The following SPAG16 variants were observed in gnomAD, a reference collection of about 807,000 sequenced individuals.
SPAG16 encodes sperm-associated antigen 16 protein.
SPAG16 carries 86 observed loss-of-function variants against 80.4 expected under a neutral mutation model. That is an observed-to-expected ratio of 1.07 (90% CI 0.90 to 1.28). The LOEUF (loss-of-function observed/expected upper bound fraction) is 1.28. SPAG16 is among the 50% of genes most tolerant of loss of function. The probability of loss-of-function intolerance (pLI) is 0.00; values close to 1 mark genes in which losing one functional copy is unlikely to be tolerated. For synonymous variants in SPAG16, 294 were observed against 265.9 expected, an observed-to-expected ratio of 1.11 and a Z score of -1.03; for missense variants, 870 against 765.3, an observed-to-expected ratio of 1.14 and a Z score of -1.61.
intron 10 of SPAG16, among the ~76,000 whole-genome samples, chr2:213,684,565 A>C (rs1411567197): frequency 6.6e-6 from 1 of 152,202 alleles, no homozygotes; most frequent in Non-Finnish European, 1.5e-5. Flanking sequence ...AACTGACTAC[A>C]ATATAATACA....
intron 10 of SPAG16, among the ~76,000 whole-genome samples, chr2:213,722,137 A>G (rs2066559928): frequency 6.6e-6 from 1 of 152,214 alleles, no homozygotes; most frequent in African/African-American, 2.4e-5. Flanking sequence ...TCATAGAAAA[A>G]CAACTACTTA....
chr2:214,105,587 C>T (rs986547287), intron 13 of SPAG16, among the ~76,000 whole-genome samples: 3 of 152,214 alleles, frequency 2.0e-5, no homozygotes, highest in Non-Finnish European at 4.4e-5. Context: ...TTATTACACA[C>T]AGCTTCTCTG....
chr2:213,727,343 T>G (rs2066815156), intron 10 of SPAG16, among the ~76,000 whole-genome samples: 1 of 152,152 alleles, frequency 6.6e-6, no homozygotes, highest in Non-Finnish European at 1.5e-5. Context: ...AGTTTAAAAA[T>G]AATTTAATGG....
intron 10 of SPAG16, among the ~76,000 whole-genome samples, chr2:213,805,266 C>T (rs1339644910): frequency 2.0e-5 from 3 of 151,902 alleles, no homozygotes; most frequent in Admixed American, 6.6e-5. Context: ...TCAGATGACA[C>T]CAAGAAAGGA....
chr2:214,340,948 T>C (rs1697642416), intron 15 of SPAG16, among the ~76,000 whole-genome samples: 1 of 152,154 alleles, frequency 6.6e-6, no homozygotes, highest in African/African-American at 2.4e-5. Context: ...AGGGAACTAA[T>C]TAACATAAAG....
At chr2:213,396,883 C>T (rs985084532) in intron 9 of SPAG16, among the ~76,000 whole-genome samples, 4 of 152,124 alleles carry the variant, frequency 2.6e-5, no homozygotes, top group East Asian at 1.9e-4. Context: ...TCTAATCCTC[C>T]GTAAGGATCC....
At chr2:213,338,475 C>A (rs939052744) in intron 5 of SPAG16, among the ~76,000 whole-genome samples, 1 of 152,194 alleles carries the variant, frequency 6.6e-6, no homozygotes, top group African/African-American at 2.4e-5. Flanking sequence ...ACCTATCTCA[C>A]ATGCAAAGAC....
intron 13 of SPAG16, among the ~76,000 whole-genome samples, chr2:214,064,137 G>T (rs536762100): frequency 1.3e-5 from 2 of 152,114 alleles, no homozygotes; most frequent in South Asian, 4.1e-4. Flanking sequence ...ATTTCAAAAC[G>T]TGTCTTTGGA....
chr2:214,064,583 G>A (rs2050442085), intron 13 of SPAG16, among the ~76,000 whole-genome samples: 1 of 151,968 alleles, frequency 6.6e-6, no homozygotes, highest in Non-Finnish European at 1.5e-5. Flanking sequence ...TTTATAAACT[G>A]TTCCTCAGTT....
intron 5 of SPAG16, among the ~76,000 whole-genome samples, chr2:213,336,981 G>A (rs1297879729): frequency 6.6e-6 from 1 of 152,154 alleles, no homozygotes; most frequent in African/African-American, 2.4e-5. Context: ...CTGGCATCAG[G>A]TTGGTGCCCC....
chr2:213,969,524 A>G (rs530285281), intron 12 of SPAG16, among the ~76,000 whole-genome samples: 2 of 152,134 alleles, frequency 1.3e-5, no homozygotes, highest in South Asian at 4.1e-4. Context: ...ACGAAGCTTC[A>G]CATAGCATTT....
At chr2:213,581,682 T>TAGCTAAAAAGG (rs762076636) in intron 10 of SPAG16, among the ~76,000 whole-genome samples, 57 of 152,214 alleles carry the variant, frequency 3.7e-4, no homozygotes, top group Admixed American at 1.6e-3. Context: ...GAGATGAAGG[T>TAGCTAAAAAGG]AGCTAAAAAG....
intron 10 of SPAG16, among the ~76,000 whole-genome samples, chr2:213,625,108 T>G (rs1430568614): frequency 6.6e-6 from 1 of 152,152 alleles, no homozygotes; most frequent in African/African-American, 2.4e-5. Flanking sequence ...TTTTTAATTC[T>G]AAATGGAGTG....
At chr2:213,994,965 TAAAAG>T (rs2046448675) in intron 12 of SPAG16, among the ~76,000 whole-genome samples, 1 of 152,150 alleles carries the variant, frequency 6.6e-6, no homozygotes, top group African/African-American at 2.4e-5. Flanking sequence ...TTTCTCTTGA[TAAAAG>T]AATAAAGAAA....
intron 5 of SPAG16, among the ~76,000 whole-genome samples, chr2:213,325,052 C>G (rs956584438): frequency 6.6e-6 from 1 of 151,820 alleles, no homozygotes; most frequent in Non-Finnish European, 1.5e-5. Flanking sequence ...AAGCATTTAT[C>G]CTGCTTTCTG....
At chr2:213,410,903 G>A (rs2068931808) in intron 9 of SPAG16, among the ~76,000 whole-genome samples, 1 of 152,194 alleles carries the variant, frequency 6.6e-6, no homozygotes, top group Non-Finnish European at 1.5e-5. Flanking sequence ...GGCACCCTGC[G>A]GGTCAGCCCC....
intron 13 of SPAG16, among the ~76,000 whole-genome samples, chr2:214,025,817 C>A (rs2048098801): frequency 6.6e-6 from 1 of 151,382 alleles, no homozygotes; most frequent in South Asian, 2.1e-4. Flanking sequence ...TAAAAGAAGA[C>A]AAGCTGCCTT....
At chr2:213,479,094 C>CTTTTTT (rs148476714) in intron 9 of SPAG16, among the ~76,000 whole-genome samples, 17 of 94,344 alleles carry the variant, frequency 1.8e-4, no homozygotes, top group South Asian at 7.8e-4. Context: ...CACTGGCTTC[C>CTTTTTT]TTTTTTTTTT....
chr2:213,532,462 ATT>A (rs374457236), intron 10 of SPAG16, among the ~76,000 whole-genome samples: 17 of 139,926 alleles, frequency 1.2e-4, no homozygotes, highest in Admixed American at 2.9e-4. Context: ...GTTTAATTGA[ATT>A]TTTTTTTTTT....
Sources: gnomAD v4.1 joint callset for allele counts (sites outside exome capture counted in the v4.1 genomes callset) on GRCh38, gnomAD v4.1.1 for gene constraint, MANE v1.5 for transcripts, NCBI Gene and HGNC (gene_info 2026-07-23, HGNC 2026-07-21) for gene names.